MGLL: variants seen among roughly 807,000 people sequenced by gnomAD.
MGLL encodes the protein monoglyceride lipase, also known as lysophospholipase homolog.
A neutral mutation model predicts 29.1 loss-of-function variants in MGLL; 7 were observed. The observed-to-expected ratio is 0.24, with a 90% CI of 0.14 to 0.45. MGLL has a LOEUF of 0.45. MGLL is among the 20% of genes least tolerant of loss of function. The probability of loss-of-function intolerance (pLI) is 0.99; values close to 1 mark genes in which losing one functional copy is unlikely to be tolerated. For missense variants in MGLL, 356 were observed against 413.6 expected (o/e 0.86, Z 1.21); for synonymous variants, 148 against 168.3 (o/e 0.88, Z 0.93).
chr3:127,787,117 G>A (rs73862350), intron 2 of MGLL, among the ~76,000 whole-genome samples: 8,655 of 152,256 alleles, frequency 0.057, 546 homozygotes, highest in East Asian at 0.3. Context: ...TGCCTCACCC[G>A]CCTCCTGCAT....
chr3:127,801,972 CAG>C (rs2077486957), intron 2 of MGLL, among the ~76,000 whole-genome samples: 1 of 152,086 alleles, frequency 6.6e-6, no homozygotes, highest in African/African-American at 2.4e-5. Flanking sequence ...TCTTATTTAA[CAG>C]AGATTCCTTG....
At chr3:127,706,267 C>A (rs531042719) in intron 6 of MGLL, among the ~76,000 whole-genome samples, 1 of 152,204 alleles carries the variant, frequency 6.6e-6, no homozygotes, top group Non-Finnish European at 1.5e-5. Context: ...CAAGGCCCTA[C>A]TATGTGCATG....
chr3:127,692,366 G>T, intron 7 of MGLL, 43 bp from the exon 8 acceptor site: 1 of 1,612,392 alleles, frequency 6.2e-7, no homozygotes, highest in Non-Finnish European at 8.5e-7. Context: ...CACCATCAGA[G>T]GCAGGTGCAG....
chr3:127,796,883 G>A (rs777621501), intron 2 of MGLL, among the ~76,000 whole-genome samples: 9 of 152,170 alleles, frequency 5.9e-5, no homozygotes, highest in African/African-American at 1.2e-4. Context: ...AGACGGGGAC[G>A]GAGAGCCTGG....
intron 3 of MGLL, among the ~76,000 whole-genome samples, chr3:127,732,860 G>A (rs939119572): frequency 1.1e-4 from 16 of 152,180 alleles, no homozygotes; most frequent in African/African-American, 3.4e-4. Flanking sequence ...GTGCACTGAC[G>A]GACACCATGA....
At chr3:127,693,248 T>G (rs926955784) in intron 7 of MGLL, among the ~76,000 whole-genome samples, 1 of 152,144 alleles carries the variant, frequency 6.6e-6, no homozygotes, top group Non-Finnish European at 1.5e-5. Context: ...GTGATCTCAC[T>G]CTCTGCCACC....
intron 2 of MGLL, among the ~76,000 whole-genome samples, chr3:127,794,718 T>C: frequency 6.6e-6 from 1 of 152,254 alleles, no homozygotes; most frequent in Admixed American, 6.5e-5. Context: ...GACTATCTTC[T>C]ATGATGTAAG....
Position 127,763,168 on chromosome 3 carries a change from A to G in MGLL, c.262+18621T>C, listed in dbSNP as rs77556584. ...ACCTAGGCAGGGTGCAGCGATGTGG[A>G]TTCATAGGATGTCAGGTGTGCGGTG... is the stretch of plus-strand genomic sequence containing the variant. On this transcript the variant is annotated intron_variant, in intron 3 of 7. Coordinates refer to ENST00000265052, the MANE Select transcript of MGLL (RefSeq NM_007283.7). Among the ~76,000 whole-genome samples, 392 of 152,254 alleles carry G rather than the reference A, an allele frequency of 2.6e-3. 1 individual carries two copies. The highest frequency in any genetic ancestry group is 8.9e-3 in the African/African-American group (370 of 41,560).
In MGLL at chr3:127,803,047, T is replaced by C. The variant is rs545288352; in HGVS notation, c.155+18647A>G. ...CAGGCTGGGGTGCAGTGGCACAATT[T>C]TGGCTCACTGCAACCTCCGCCTCCT... On this transcript the variant is annotated intron_variant, in intron 2 of 7. Coordinates refer to ENST00000265052, the MANE Select transcript of MGLL (RefSeq NM_007283.7). 1.8e-4 allele frequency among the ~76,000 whole-genome samples: 27 copies of C among 152,240 alleles called. 1 individual carries two copies. The highest frequency in any genetic ancestry group is 6.5e-4 in the African/African-American group (27 of 41,530).
At position 127,692,008 on chromosome 3, in the gene MGLL, G is replaced by A. The variant is rs2075254644; in HGVS notation, c.*190C>T. 1.4e-6 allele frequency: 1 copy of A among 710,438 alleles called. No individual in the cohort carries two copies. The highest frequency in any genetic ancestry group is 2.3e-6 in the Non-Finnish European group (1 of 440,074). The allele number at this position is 710,438 out of a possible 1,614,324, so 44.0% of individuals were successfully genotyped here. A position where few individuals can be genotyped will look rare whatever the true frequency, so the allele number is the denominator to read the frequency against. ...TTGCATAAAGTGTCTAACCATTAAG[G>A]TAGGTCCAGTGTCTGATAGTCTAAT... On this transcript the variant is annotated 3_prime_UTR_variant, in exon 8 of 8. Transcript: ENST00000265052.
chr3:127,714,725 A>G (rs1576492508), intron 5 of MGLL, among the ~76,000 whole-genome samples: 1 of 152,186 alleles, frequency 6.6e-6, no homozygotes, highest in African/African-American at 2.4e-5. Context: ...TGCAAGTTAC[A>G]CCACAGAGAG....
chr3:127,722,619 C>T, intron 3 of MGLL, 53 bp from the exon 4 acceptor site: 1 of 1,612,822 alleles, frequency 6.2e-7, no homozygotes, highest in Non-Finnish European at 8.5e-7. Context: ...TCGACTCCTA[C>T]ACAAGCCCAG....
At chr3:127,755,256 G>A (rs2076642330) in intron 3 of MGLL, among the ~76,000 whole-genome samples, 1 of 152,196 alleles carries the variant, frequency 6.6e-6, no homozygotes. Flanking sequence ...AGATGAAACT[G>A]TTCACGTGAG....
At chr3:127,815,043 G>A (rs1559988081) in intron 2 of MGLL, among the ~76,000 whole-genome samples, 2 of 152,230 alleles carry the variant, frequency 1.3e-5, no homozygotes, top group African/African-American at 4.8e-5. Context: ...ACAGACATAT[G>A]TCAAAGGTGC....
Position 127,698,645 on chromosome 3 carries a change from G to A in MGLL, c.601-3455C>T, listed in dbSNP as rs377387423. ...AAGGGCAACATGAGGGGTCCTTGTG[G>A]GGATGGAGCCATCTGTGACTTGACT... On this transcript the variant is annotated intron_variant, in intron 6 of 7. Transcript: ENST00000265052. 2.0e-4 allele frequency among the ~76,000 whole-genome samples: 31 copies of A among 152,300 alleles called. No homozygotes were observed. The East Asian group carries it at 5.8e-3, about 28-fold the overall frequency.
chr3:127,802,529 T>C (rs926661468), intron 2 of MGLL, among the ~76,000 whole-genome samples: 6 of 152,186 alleles, frequency 3.9e-5, no homozygotes, highest in Non-Finnish European at 7.3e-5. Flanking sequence ...GCTGGAAACT[T>C]AGATGGCTAT....
intron 3 of MGLL, among the ~76,000 whole-genome samples, chr3:127,754,876 C>T (rs1178457961): frequency 6.6e-6 from 1 of 152,168 alleles, no homozygotes; most frequent in Non-Finnish European, 1.5e-5. Flanking sequence ...GGTGTGTGCA[C>T]TCATGCCCAC....
At chr3:127,798,916 A>T (rs191688472) in intron 2 of MGLL, among the ~76,000 whole-genome samples, 23 of 152,218 alleles carry the variant, frequency 1.5e-4, no homozygotes, top group African/African-American at 4.8e-4. Context: ...CAAGCTGGAG[A>T]GCACCCGAGG....
At chr3:127,794,873 G>A (rs55766435) in intron 2 of MGLL, among the ~76,000 whole-genome samples, 4,989 of 152,262 alleles carry the variant, frequency 0.033, 140 homozygotes, top group Non-Finnish European at 0.046. Context: ...TTTCTGTTGA[G>A]TTTTTATCTT....
Sources: gnomAD v4.1 joint callset for allele counts (sites outside exome capture counted in the v4.1 genomes callset) on GRCh38, gnomAD v4.1.1 for gene constraint, MANE v1.5 for transcripts, NCBI Gene and HGNC (gene_info 2026-07-23, HGNC 2026-07-21) for gene names.